NAA50: variants seen among roughly 807,000 people sequenced by gnomAD.
NAA50 encodes N-alpha-acetyltransferase 50.
In NAA50, 7 loss-of-function variants were observed where a neutral mutation model predicts 20.7. The observed-to-expected ratio is 0.34, with a 90% CI of 0.19 to 0.63. The LOEUF is 0.63. Among genes scored for constraint, NAA50 ranks in the 30% least tolerant of loss-of-function variants. The probability of loss-of-function intolerance (pLI) is 0.75; values close to 1 mark genes in which losing one functional copy is unlikely to be tolerated. For synonymous variants in NAA50, 54 were observed against 70.6 expected (o/e 0.77, Z 1.18); for missense variants, 111 against 199.1 (o/e 0.56, Z 2.66).
chr3:113,727,236 TA>T (rs1193038678), intron 1 of NAA50, among the ~76,000 whole-genome samples: 3 of 151,970 alleles, frequency 2.0e-5, no homozygotes, highest in African/African-American at 7.2e-5. Context: ...GCATCTCATT[TA>T]AAAAAAAGTC....
At chr3:113,733,298 A>G (rs1708294050) in intron 1 of NAA50, among the ~76,000 whole-genome samples, 1 of 151,918 alleles carries the variant, frequency 6.6e-6, no homozygotes, top group South Asian at 2.1e-4. Flanking sequence ...GGAATTCTTT[A>G]TAGCATCTTT....
rs1012627704 is a variant in NAA50, at chr3:113,719,709, T to TA, written c.*2050dup. On this transcript the variant is annotated 3_prime_UTR_variant, in exon 5 of 5. Transcript: ENST00000240922. ...TCAAAATTTAATATTTTTTCCTCCT[T>TA]AAATAACATGTACTTGTCATGAGGC... 5.9e-5 allele frequency: 9 copies of TA among 152,590 alleles called. No homozygotes were observed. The highest frequency in any genetic ancestry group is 1.2e-4 in the Non-Finnish European group (8 of 68,016). The allele number at this position is 152,590 out of a possible 1,614,324, so 9.5% of individuals were successfully genotyped here.
intron 1 of NAA50, among the ~76,000 whole-genome samples, chr3:113,744,378 T>C (rs1708461025): frequency 1.3e-5 from 2 of 151,830 alleles, no homozygotes; most frequent in Admixed American, 1.3e-4. Context: ...GCGGGAGGAT[T>C]GCTTGAGCTG....
intron 2 of NAA50, 195 bp from the exon 3 acceptor site, chr3:113,723,736 CACACAGGTAT>C: frequency 2.5e-6 from 2 of 788,182 alleles, no homozygotes; most frequent in Non-Finnish European, 3.8e-6. Context: ...AAAGTGAAAA[CACACAGGTAT>C]ACACTAAGAA....
rs1708487525 is a variant in NAA50, at chr3:113,745,802, G to A, written c.8+140C>T. The A allele has an allele frequency of 4.8e-6, 5 of 1,043,986 alleles. No homozygotes were observed. In the South Asian group the frequency reaches 7.0e-5, roughly 15 times the overall value. 64.7% of individuals were successfully genotyped at this position (1,043,986 alleles called of 1,614,324 possible). A position where few individuals can be genotyped will look rare whatever the true frequency, so the allele number is the denominator to read the frequency against. ...CTCGCCTCCGCCCCCTCCGGGAGCC[G>A]AGGGAACTGAGAAGCAGAGAAATCT... On this transcript the variant is annotated intron_variant, in intron 1 of 4. Transcript: ENST00000240922.
intron 4 of NAA50, among the ~76,000 whole-genome samples, chr3:113,722,327 A>G (rs1708145635): frequency 6.6e-6 from 1 of 152,162 alleles, no homozygotes; most frequent in South Asian, 2.1e-4. Flanking sequence ...TGATTGATAA[A>G]ATACATGGTA....
At chr3:113,745,536 G>A (rs888996999) in intron 1 of NAA50, among the ~76,000 whole-genome samples, 2 of 152,196 alleles carry the variant, frequency 1.3e-5, no homozygotes, top group African/African-American at 2.4e-5. Flanking sequence ...AAACACCGCA[G>A]TTCCAGAGTT....
intron 1 of NAA50, among the ~76,000 whole-genome samples, chr3:113,744,393 G>A (rs770346883): frequency 6.6e-6 from 1 of 151,934 alleles, no homozygotes; most frequent in Non-Finnish European, 1.5e-5. Flanking sequence ...GAGCTGGGGA[G>A]GCAAAGGTTG....
At chr3:113,741,413 T>C (rs1053741065) in intron 1 of NAA50, among the ~76,000 whole-genome samples, 3 of 152,232 alleles carry the variant, frequency 2.0e-5, no homozygotes, top group Non-Finnish European at 2.9e-5. Flanking sequence ...ACGTTCACGA[T>C]GGGAAGAATG....
chr3:113,737,955 A>G (rs958167509), intron 1 of NAA50, among the ~76,000 whole-genome samples: 2 of 152,184 alleles, frequency 1.3e-5, no homozygotes, highest in African/African-American at 4.8e-5. Flanking sequence ...CTGTAATCCC[A>G]GCATTTTGGG....
intron 1 of NAA50, among the ~76,000 whole-genome samples, chr3:113,732,466 T>G (rs1438299779): frequency 6.6e-6 from 1 of 152,090 alleles, no homozygotes; most frequent in Non-Finnish European, 1.5e-5. Context: ...ACAAACTTAT[T>G]CTCTTATAGT....
At chr3:113,737,595 G>C (rs1383653757) in intron 1 of NAA50, among the ~76,000 whole-genome samples, 1 of 152,134 alleles carries the variant, frequency 6.6e-6, no homozygotes, top group African/African-American at 2.4e-5. Flanking sequence ...ATAAGACTTA[G>C]GGCAGGATCT....
chr3:113,717,013 A>G lies in NAA50; in HGVS notation c.*4747T>C, dbSNP rs1708059102. The G allele has an allele frequency of 6.6e-6, 1 of 152,192 alleles. No individual in the cohort carries two copies. Among genetic ancestry groups the G allele is most frequent in the Non-Finnish European group, 1.5e-5 (1 of 68,034 alleles). The allele number at this position is 152,192 out of a possible 1,614,324, so 9.4% of individuals were successfully genotyped here. A position where few individuals can be genotyped will look rare whatever the true frequency, so the allele number is the denominator to read the frequency against. On this transcript the variant is annotated 3_prime_UTR_variant, in exon 5 of 5. Coordinates refer to ENST00000240922, the MANE Select transcript of NAA50 (RefSeq NM_025146.4). ...TTCTTATTCTAGAAGCTACTGAGCA[A>G]GGAAAATACCTTGATTCATTCTAGA... is the stretch of plus-strand genomic sequence containing the variant.
chr3:113,743,746 C>T (rs1553706610), intron 1 of NAA50, among the ~76,000 whole-genome samples: 3 of 152,200 alleles, frequency 2.0e-5, no homozygotes, highest in Non-Finnish European at 4.4e-5. Flanking sequence ...ACTTCACTGG[C>T]ATAGTTACTG....
intron 2 of NAA50, 58 bp downstream of exon 2, chr3:113,723,901 G>A: frequency 2.1e-6 from 3 of 1,436,836 alleles, no homozygotes; most frequent in Non-Finnish European, 1.8e-6. Context: ...TAAAAAACTA[G>A]GGTTCAAGAA....
At chr3:113,729,527 T>C (rs1369616432) in intron 1 of NAA50, among the ~76,000 whole-genome samples, 5 of 148,242 alleles carry the variant, frequency 3.4e-5, no homozygotes, top group African/African-American at 1.2e-4. Flanking sequence ...TGTTCATTAA[T>C]ACGCAGTTTT....
rs550830105 is a variant in NAA50 at position 113,727,562 on chromosome 3, G to A, written c.9-3467C>T. Among the ~76,000 whole-genome samples, 17 of 149,818 alleles carry A rather than the reference G, an allele frequency of 1.1e-4. 2 individuals are homozygous for A. The highest frequency in any genetic ancestry group is 4.1e-4 in the African/African-American group (17 of 40,972). On this transcript the variant is annotated intron_variant, in intron 1 of 4. Coordinates refer to ENST00000240922, the MANE Select transcript of NAA50 (RefSeq NM_025146.4). Reference sequence around the variant, plus strand: ...GGTGGCCAGATAAAGCCTAAATAGAGAAAACAATATTGAACCATTAGGAAA... The same window carrying A: ...GGTGGCCAGATAAAGCCTAAATAGAAAAAACAATATTGAACCATTAGGAAA...
chr3:113,724,700 G>A (rs928698845), intron 1 of NAA50: 2 of 152,286 alleles, frequency 1.3e-5, no homozygotes, highest in African/African-American at 2.4e-5. Context: ...GAGTGATATG[G>A]TTTGGCTGTG....
chr3:113,745,287 T>C (rs747700818), intron 1 of NAA50, among the ~76,000 whole-genome samples: 2 of 152,230 alleles, frequency 1.3e-5, no homozygotes, highest in South Asian at 2.1e-4. Context: ...TCAGGGGCAA[T>C]AGTGAACTAC....
Sources: gnomAD v4.1 joint callset for allele counts (sites outside exome capture counted in the v4.1 genomes callset) on GRCh38, gnomAD v4.1.1 for gene constraint, MANE v1.5 for transcripts, NCBI Gene and HGNC (gene_info 2026-07-23, HGNC 2026-07-21) for gene names.